The following MPDZ variants were observed in gnomAD, a reference collection of about 807,000 sequenced individuals.
The protein encoded by MPDZ is multiple PDZ domain protein.
Under a neutral mutation model 239.1 loss-of-function variants are expected in MPDZ, and 234 were observed. The observed-to-expected ratio is 0.98, with a 90% CI of 0.88 to 1.09. The LOEUF (loss-of-function observed/expected upper bound fraction) is 1.09, where lower values mean the gene tolerates loss of function less well. MPDZ is among the 50% of genes least tolerant of loss of function. The pLI, the probability that MPDZ is intolerant of heterozygous loss-of-function variation, is 0.00. For missense variants in MPDZ, 3,175 were observed against 2,510.0 expected (o/e 1.26, Z -5.66); for synonymous variants, 1,048 against 881.3 (o/e 1.19, Z -3.35).
chr9:13,228,109 A>G (rs1352934807), intron 3 of MPDZ, among the ~76,000 whole-genome samples: 1 of 152,170 alleles, frequency 6.6e-6, no homozygotes, highest in East Asian at 1.9e-4. Flanking sequence ...TAAAATAAAC[A>G]AAAGAAAACA....
intron 1 of MPDZ, among the ~76,000 whole-genome samples, chr9:13,268,309 G>C (rs914698452): frequency 6.6e-6 from 1 of 151,974 alleles, no homozygotes; most frequent in Non-Finnish European, 1.5e-5. Context: ...CATGTGTATA[G>C]AAAGATTTAG....
intron 23 of MPDZ, among the ~76,000 whole-genome samples, chr9:13,160,862 A>ATATATATATG (rs1950394523): frequency 8.0e-6 from 1 of 125,402 alleles, no homozygotes; most frequent in Non-Finnish European, 1.7e-5. Context: ...ATATATATAT[A>ATATATATATG]TATATATAAA....
At chr9:13,198,049 A>G (rs1955875064) in intron 12 of MPDZ, among the ~76,000 whole-genome samples, 1 of 152,150 alleles carries the variant, frequency 6.6e-6, no homozygotes, top group African/African-American at 2.4e-5. Flanking sequence ...CAGAACAGCA[A>G]TGAACATAGG....
chr9:13,211,308 A>C (rs1277478229), intron 10 of MPDZ, among the ~76,000 whole-genome samples: 4 of 152,232 alleles, frequency 2.6e-5, no homozygotes, highest in Admixed American at 2.0e-4. Context: ...TTGATGACAA[A>C]ATTTTTTAAG....
At chr9:13,227,934 G>A (rs1018630196) in intron 3 of MPDZ, among the ~76,000 whole-genome samples, 1 of 151,920 alleles carries the variant, frequency 6.6e-6, no homozygotes, top group African/African-American at 2.4e-5. Context: ...AAGCAGAAAG[G>A]CACCTTTGAT....
At chr9:13,270,656 T>C (rs1972757193) in intron 1 of MPDZ, among the ~76,000 whole-genome samples, 1 of 152,118 alleles carries the variant, frequency 6.6e-6, no homozygotes, top group Non-Finnish European at 1.5e-5. Flanking sequence ...AAATATATTA[T>C]TAAAATTAAT....
chr9:13,143,488 G>C lies in MPDZ; in HGVS notation c.3818C>G (p.Ser1273Cys). The part of the protein sequence containing the change: ...NFSSTNPFAD[S>C]LQINADKAPS... The stretch of plus-strand genomic sequence containing the variant: ...AACCTTGTCGGCGTTGATTTGTAGA[G>C]AGTCAGCAAATGGGTTAGTGCTGCT... Residue 1273 changes from serine (S) to cysteine (C), a missense_variant, in exon 27 of 47, where the codon TCT (serine) becomes TGT (cysteine). Ser to Cys is a moderately radical substitution (Grantham distance 112). Transcript: ENST00000319217. The C allele has an allele frequency of 1.2e-6, 2 of 1,612,522 alleles. No individual in the cohort carries two copies. The highest frequency in any genetic ancestry group is 1.7e-6 in the Non-Finnish European group (2 of 1,178,748).
chr9:13,220,783 C>T (rs1959007165), intron 7 of MPDZ, among the ~76,000 whole-genome samples: 1 of 151,940 alleles, frequency 6.6e-6, no homozygotes, highest in Admixed American at 6.6e-5. Flanking sequence ...GCAAAACTTA[C>T]TTAAACCAGT....
chr9:13,155,305 C>T (rs987084190), intron 24 of MPDZ, among the ~76,000 whole-genome samples: 1 of 152,144 alleles, frequency 6.6e-6, no homozygotes, highest in East Asian at 1.9e-4. Flanking sequence ...TACAGGCCAG[C>T]AATTCCAATT....
rs551091510 is a variant in MPDZ, at chr9:13,170,477, C to T, written c.3056-1913G>A. On this transcript the variant is annotated intron_variant, in intron 21 of 46. Transcript: ENST00000319217. ...ACCATAAAACAATAAGATACCGTTT[C>T]GGGTGAGAAAAAAGGCTGAATCTGA... is the stretch of plus-strand genomic sequence containing the variant. Among the ~76,000 whole-genome samples, 6 of 152,166 alleles carry T rather than the reference C, an allele frequency of 3.9e-5. No homozygotes were observed. In the East Asian group the frequency reaches 5.8e-4, roughly 15 times the overall value.
intron 25 of MPDZ, 39 bp from the exon 26 acceptor site, chr9:13,147,697 A>G: frequency 6.7e-7 from 1 of 1,486,402 alleles, no homozygotes; most frequent in Non-Finnish European, 9.3e-7. Context: ...TCAAGAATCT[A>G]TAGAACAACA....
intron 27 of MPDZ, among the ~76,000 whole-genome samples, chr9:13,141,798 T>C (rs1289929073): frequency 6.6e-6 from 1 of 152,130 alleles, no homozygotes; most frequent in Non-Finnish European, 1.5e-5. Context: ...CGCTGACTGA[T>C]AGAGATTTAA....
At chr9:13,261,767 C>T (rs1465894543) in intron 1 of MPDZ, among the ~76,000 whole-genome samples, 4 of 151,154 alleles carry the variant, frequency 2.6e-5, no homozygotes, top group Admixed American at 6.6e-5. Flanking sequence ...TATGGTGGCT[C>T]ATACCTGTAA....
intron 39 of MPDZ, 77 bp from the exon 40 acceptor site, chr9:13,115,411 C>T: frequency 8.3e-7 from 1 of 1,203,424 alleles, no homozygotes; most frequent in South Asian, 1.3e-5. Context: ...ATACATTTTA[C>T]TCTTCAAGAC....
rs79134599 is a variant in MPDZ at position 13,133,810 on chromosome 9, C to A, written c.4464+14G>T. On this transcript the variant is annotated intron_variant, in intron 32 of 46. Coordinates refer to ENST00000319217, the MANE Select transcript of MPDZ (RefSeq NM_001378778.1). ...GAACTCACATCATTTCATTCCAATT[C>A]AAAGCAGATTTACCTTGGGAAGCTC... 9.9e-4 allele frequency: 1,552 copies of A among 1,561,618 alleles called. 16 individuals carry two copies. The African/African-American group carries it at 0.02, about 20-fold the overall frequency.
chr9:13,259,995 G>A (rs200748719), intron 1 of MPDZ, among the ~76,000 whole-genome samples: 3 of 151,454 alleles, frequency 2.0e-5, no homozygotes, highest in South Asian at 2.1e-4. Flanking sequence ...CACCACGCCC[G>A]GCTAATTTTT....
chr9:13,142,584 C>T (rs1947868227), intron 27 of MPDZ, among the ~76,000 whole-genome samples: 1 of 152,092 alleles, frequency 6.6e-6, no homozygotes, highest in South Asian at 2.1e-4. Flanking sequence ...ACACATAAAG[C>T]ACACTGTAAC....
intron 10 of MPDZ, among the ~76,000 whole-genome samples, chr9:13,213,201 AAAG>A (rs1957849831): frequency 6.6e-6 from 1 of 152,096 alleles, no homozygotes; most frequent in South Asian, 2.1e-4. Context: ...CAAATTATTT[AAAG>A]AATACCAACA....
At chr9:13,151,360 C>T (rs572789685) in intron 24 of MPDZ, among the ~76,000 whole-genome samples, 114 of 152,092 alleles carry the variant, frequency 7.5e-4, no homozygotes, top group African/African-American at 2.7e-3. Flanking sequence ...ATTTATACAC[C>T]CATGTTCACA....
Sources: gnomAD v4.1 joint callset for allele counts (sites outside exome capture counted in the v4.1 genomes callset) on GRCh38, gnomAD v4.1.1 for gene constraint, MANE v1.5 for transcripts, NCBI Gene and HGNC (gene_info 2026-07-23, HGNC 2026-07-21) for gene names.